Variants in HOXB8 observed in about 807,000 individuals in gnomAD.
HOXB8 encodes the protein homeobox B8, also known as homeobox protein Hox-B8.
Under a neutral mutation model 22.2 loss-of-function variants are expected in HOXB8, and 17 were observed. That is an observed-to-expected ratio of 0.77 (90% CI 0.53 to 1.15). The LOEUF (loss-of-function observed/expected upper bound fraction) is 1.15, where lower values mean the gene tolerates loss of function less well. Ranked by LOEUF, HOXB8 falls within the 50% of genes most tolerant of loss-of-function variation. The probability of loss-of-function intolerance (pLI) is 0.00; values close to 1 mark genes in which losing one functional copy is unlikely to be tolerated. For synonymous variants in HOXB8, 156 were observed against 144.6 expected, an observed-to-expected ratio of 1.08 and a Z score of -0.57; for missense variants, 287 against 323.8, an observed-to-expected ratio of 0.89 and a Z score of 0.87.
chr17:48,614,445 C>A lies in HOXB8; in HGVS notation c.260G>T (p.Gly87Val). ...GCTCTGGCGTTGCAGCGGGTCGTAG[C>A]CGTAGAAATTGCCGGGGTCCCCGTG... The part of the protein sequence containing the change: ...ACHGDPGNFY[G>V]YDPLQRQSLF... The change falls in exon 1 of 2, where the codon GGC becomes GTC. Residue 87 changes from glycine (G) to valine (V), a missense_variant. Physicochemically the swap from Gly to Val is moderately radical, Grantham distance 109 (BLOSUM62 -3). Coordinates refer to ENST00000239144, the MANE Select transcript of HOXB8 (RefSeq NM_024016.4). This position sits in a 1 kb window ranked among gnomAD's most constrained non-coding sequence, Gnocchi z 4.1. 1 of 1,613,964 alleles carries A rather than the reference C, an allele frequency of 6.2e-7. No individual in the cohort carries two copies. Among genetic ancestry groups the A allele is most frequent in the Non-Finnish European group, 8.5e-7 (1 of 1,179,920 alleles).
rs1190472825 is a variant in HOXB8 at position 48,614,764 on chromosome 17, G to A, written c.-60C>T. ...GCTATAGTTGGGGGCTGTTGGGGAG[G>A]GGGTGGGGAGGGGGAAAGGGAGGGA... On this transcript the variant is annotated 5_prime_UTR_variant, in exon 1 of 2. Transcript: ENST00000239144. The surrounding 1 kb of genome is among the most constrained non-coding windows in gnomAD (Gnocchi z 4.1). 1.8e-6 allele frequency: 2 copies of A among 1,113,268 alleles called. No homozygotes were observed. The highest frequency in any genetic ancestry group is 1.2e-6 in the Non-Finnish European group (1 of 814,502). The allele number at this position is 1,113,268 out of a possible 1,614,324, so 69.0% of individuals were successfully genotyped here.
Position 48,613,457 on chromosome 17 carries a change from C to T in HOXB8, c.477G>A (p.Leu159=), listed in dbSNP as rs1362824761. The T allele has an allele frequency of 6.4e-7, 1 of 1,558,052 alleles. No homozygotes were observed. The highest frequency in any genetic ancestry group is 1.1e-5 in the South Asian group (1 of 90,176). ...TAAATAGGAACTCCTTCTCCAGCTCCAGGGTCTGGTAGCGGCTGTAGGTCT... is the reference window on the plus strand; with the variant it reads ...TAAATAGGAACTCCTTCTCCAGCTCTAGGGTCTGGTAGCGGCTGTAGGTCT... The part of the protein sequence containing the change: ...GRQTYSRYQT[L]ELEKEFLFNP... Residue 159 remains leucine, a synonymous_variant, in exon 2 of 2, where the codon CTG becomes CTA. Transcript: ENST00000239144.
In HOXB8 at chr17:48,614,892, A is replaced by T. The variant is rs1306953216; in HGVS notation, c.-188T>A. On this transcript the variant is annotated 5_prime_UTR_variant, in exon 1 of 2. Transcript: ENST00000239144. This position sits in a 1 kb window ranked among gnomAD's most constrained non-coding sequence, Gnocchi z 4.1. ...AAAGAAAAGAAAGAAAAGGCGAAGA[A>T]GATCTCGAAGCCGACACACTTTTTG... 1 of 552,336 alleles carries T rather than the reference A, an allele frequency of 1.8e-6. No individual in the cohort carries two copies. The highest frequency in any genetic ancestry group is 3.1e-6 in the Non-Finnish European group (1 of 319,310). 34.2% of individuals were successfully genotyped at this position (552,336 alleles called of 1,614,324 possible).
chr17:48,614,003 C>G lies in HOXB8; in HGVS notation c.424+278G>C, dbSNP rs932923103. On this transcript the variant is annotated intron_variant, in intron 1 of 1. Coordinates refer to ENST00000239144, the MANE Select transcript of HOXB8 (RefSeq NM_024016.4). This position sits in a 1 kb window ranked among gnomAD's most constrained non-coding sequence, Gnocchi z 4.1. ...TCCCACCACCCTCTCTTCACTACCC[C>G]CCATAAAACAGTAAAAGGGGAAAAA... Among the ~76,000 whole-genome samples, 1 of 151,950 alleles carries G rather than the reference C, an allele frequency of 6.6e-6. No individual in the cohort carries two copies. Among genetic ancestry groups the G allele is most frequent in the South Asian group, 2.1e-4 (1 of 4,810 alleles).
rs1299254943 is a variant in HOXB8 at position 48,613,456 on chromosome 17, C to G, written c.478G>C (p.Glu160Gln). The change falls in exon 2 of 2, where the codon GAG (glutamate) becomes CAG (glutamine). Residue 160 changes from glutamate to glutamine, a missense_variant. By Grantham distance (29) the Glu-to-Gln change is conservative. Around this residue, in one of 3 missense-constraint regions of HOXB8, gnomAD observed 229 missense variants for 239.8 expected, o/e 0.95. Coordinates refer to ENST00000239144, the MANE Select transcript of HOXB8 (RefSeq NM_024016.4). Reference protein sequence around the residue: ...RQTYSRYQTLELEKEFLFNPY... With the variant: ...RQTYSRYQTLQLEKEFLFNPY... ...TTAAATAGGAACTCCTTCTCCAGCT[C>G]CAGGGTCTGGTAGCGGCTGTAGGTC... 20 of 1,594,162 alleles carry G rather than the reference C, an allele frequency of 1.3e-5. No individual in the cohort carries two copies. Among genetic ancestry groups the G allele is most frequent in the Middle Eastern group, 1.7e-4 (1 of 5,948 alleles).
At position 48,614,265 on chromosome 17, in the gene HOXB8, C is replaced by A; in HGVS notation, c.424+16G>T. On this transcript the variant is annotated intron_variant, in intron 1 of 1. Coordinates refer to ENST00000239144, the MANE Select transcript of HOXB8 (RefSeq NM_024016.4). This position sits in a 1 kb window ranked among gnomAD's most constrained non-coding sequence, Gnocchi z 4.1. ...CCGGCCCCCTCCTGCCCTTGTCGGC[C>A]CCGAGGCGAGCTCACCTTGCGGGCG... 1 of 1,481,212 alleles carries A rather than the reference C, an allele frequency of 6.8e-7. No individual in the cohort carries two copies. Among genetic ancestry groups the A allele is most frequent in the Non-Finnish European group, 8.9e-7 (1 of 1,124,306 alleles). The allele number at this position is 1,481,212 out of a possible 1,614,324, so 91.8% of individuals were successfully genotyped here. A position where few individuals can be genotyped will look rare whatever the true frequency, so the allele number is the denominator to read the frequency against.
Position 48,614,200 on chromosome 17 carries a change from T to C in HOXB8, c.424+81A>G. 1 of 844,638 alleles carries C rather than the reference T, an allele frequency of 1.2e-6. No homozygotes were observed. The allele number at this position is 844,638 out of a possible 1,614,324, so 52.3% of individuals were successfully genotyped here. A position where few individuals can be genotyped will look rare whatever the true frequency, so the allele number is the denominator to read the frequency against. ...CGGAGCCGGCAAGTCTTCCAGAAGCTGGAGGAAATGCGCCCCGGCCTGCCA... is the reference window on the plus strand; with the variant it reads ...CGGAGCCGGCAAGTCTTCCAGAAGCCGGAGGAAATGCGCCCCGGCCTGCCA... On this transcript the variant is annotated intron_variant, in intron 1 of 1. Transcript: ENST00000239144. The surrounding 1 kb of genome is among the most constrained non-coding windows in gnomAD (Gnocchi z 4.1).
In HOXB8 at chr17:48,613,411, G is replaced by C; in HGVS notation, c.523C>G (p.Arg175Gly). Residue 175 changes from arginine (R) to glycine (G), a missense_variant, in exon 2 of 2, where the codon CGG (arginine) becomes GGG (glycine). Transcript: ENST00000239144. ...FLFNPYLTRK[R>G]RIEVSHALGL... ...AGGGCGTGCGATACCTCGATTCGCC[G>C]CTTACGAGTCAGATAGGGATTAAAT... is the stretch of plus-strand genomic sequence containing the variant. The C allele has an allele frequency of 1.2e-6, 2 of 1,613,898 alleles. No individual in the cohort carries two copies. The highest frequency in any genetic ancestry group is 1.7e-6 in the Non-Finnish European group (2 of 1,179,914).
Position 48,613,111 on chromosome 17 carries a change from A to C in HOXB8, c.*91T>G, listed in dbSNP as rs2070675042. 2 of 887,050 alleles carry C rather than the reference A, an allele frequency of 2.3e-6. No individual in the cohort carries two copies. Among genetic ancestry groups the C allele is most frequent in the African/African-American group, 1.8e-5 (1 of 55,822 alleles). 54.9% of individuals were successfully genotyped at this position (887,050 alleles called of 1,614,324 possible). A position where few individuals can be genotyped will look rare whatever the true frequency, so the allele number is the denominator to read the frequency against. ...GGCTCCTGGCCCCGCTAGCGGGGCC[A>C]GAGCTCTCTCGGGCAGGGGCGCGCG... On this transcript the variant is annotated 3_prime_UTR_variant, in exon 2 of 2. Coordinates refer to ENST00000239144, the MANE Select transcript of HOXB8 (RefSeq NM_024016.4).
Position 48,615,000 on chromosome 17 carries a change from C to G in HOXB8, c.-296G>C, listed in dbSNP as rs2070708502. 1 of 243,702 alleles carries G rather than the reference C, an allele frequency of 4.1e-6. No homozygotes were observed. Among genetic ancestry groups the G allele is most frequent in the Admixed American group, 6.3e-5 (1 of 15,906 alleles). 15.1% of individuals were successfully genotyped at this position (243,702 alleles called of 1,614,324 possible). On this transcript the variant is annotated 5_prime_UTR_variant, in exon 1 of 2. Transcript: ENST00000239144. The surrounding 1 kb of genome is among the most constrained non-coding windows in gnomAD (Gnocchi z 4.1). ...AGCCGCGGCTCGCTCGCCCTCCCCC[C>G]ACCCCCCACCCCCCAAACAAAAATA...
chr17:48,613,516 A>G lies in HOXB8; in HGVS notation c.425-7T>C. 1 of 987,230 alleles carries G rather than the reference A, an allele frequency of 1.0e-6. No individual in the cohort carries two copies. The highest frequency in any genetic ancestry group is 1.3e-6 in the Non-Finnish European group (1 of 782,588). The allele number at this position is 987,230 out of a possible 1,614,324, so 61.2% of individuals were successfully genotyped here. A position where few individuals can be genotyped will look rare whatever the true frequency, so the allele number is the denominator to read the frequency against. ...CGCCTGCGTCCGGCGGCTGCTGGGA[A>G]TGGGGGAAAGGGCGAGACAGAGGGG... is the stretch of plus-strand genomic sequence containing the variant. On this transcript the variant is annotated splice_polypyrimidine_tract_variant and splice_region_variant and intron_variant, in intron 1 of 1. Transcript: ENST00000239144.
rs2070667795 is a variant in HOXB8, at chr17:48,612,758, T to C, written c.*444A>G. ...AGAGAGAGAAGGGAGACAGAAAGAA[T>C]TACGGCGTGAATAGGCAGTTTCATG... On this transcript the variant is annotated 3_prime_UTR_variant, in exon 2 of 2. Coordinates refer to ENST00000239144, the MANE Select transcript of HOXB8 (RefSeq NM_024016.4). The C allele has an allele frequency of 6.6e-6, 1 of 152,310 alleles. No individual in the cohort carries two copies. Among genetic ancestry groups the C allele is most frequent in the African/African-American group, 2.4e-5 (1 of 41,342 alleles). 9.4% of individuals were successfully genotyped at this position (152,310 alleles called of 1,614,324 possible). A position where few individuals can be genotyped will look rare whatever the true frequency, so the allele number is the denominator to read the frequency against.
Position 48,614,479 on chromosome 17 carries a change from C to G in HOXB8, c.226G>C (p.Val76Leu). The G allele has an allele frequency of 6.2e-7, 1 of 1,613,954 alleles. No individual in the cohort carries two copies. Among genetic ancestry groups the G allele is most frequent in the Non-Finnish European group, 8.5e-7 (1 of 1,179,918 alleles). Residue 76 changes from valine to leucine, a missense_variant, in exon 1 of 2, where the codon GTG becomes CTG. Coordinates refer to ENST00000239144, the MANE Select transcript of HOXB8 (RefSeq NM_024016.4). The surrounding 1 kb of genome is among the most constrained non-coding windows in gnomAD (Gnocchi z 4.1). Reference sequence around the variant, plus strand: ...TTGCCGGGGTCCCCGTGGCACGCCACGGCGCACGGGTTCTGCTGGTAGGGA... The same window carrying G: ...TTGCCGGGGTCCCCGTGGCACGCCAGGGCGCACGGGTTCTGCTGGTAGGGA... ...TAPYQQNPCA[V>L]ACHGDPGNFY... is the part of the protein sequence containing the mutation.
intron 1 of HOXB8, 31 bp from the exon 2 acceptor site, chr17:48,613,540 G>A (rs2070684483): frequency 2.5e-6 from 3 of 1,202,776 alleles, no homozygotes; most frequent in Non-Finnish European, 3.6e-6. Flanking sequence ...GAGACAGAGG[G>A]GAGGGGAGGG....
chr17:48,613,542 AGGGGAGGGTGGGGGAGG>A, intron 1 of HOXB8, 33 bp from the exon 2 acceptor site: 3 of 90,192 alleles, frequency 3.3e-5, no homozygotes, highest in Non-Finnish European at 6.9e-5. Context: ...GACAGAGGGG[AGGGGAGGGTGGGGGAGG>A]GGGCAGGGAC....
Position 48,614,819 on chromosome 17 carries a change from T to A in HOXB8, c.-115A>T. The A allele has an allele frequency of 1.2e-6, 1 of 814,816 alleles. No individual in the cohort carries two copies. Among genetic ancestry groups the A allele is most frequent in the Non-Finnish European group, 1.8e-6 (1 of 547,616 alleles). The allele number at this position is 814,816 out of a possible 1,614,324, so 50.5% of individuals were successfully genotyped here. A position where few individuals can be genotyped will look rare whatever the true frequency, so the allele number is the denominator to read the frequency against. ...GAGAAAAAAACGCGGATTCGCCGGC[T>A]CCTAGTCACCCTCGCCAGGAAAGGA... On this transcript the variant is annotated 5_prime_UTR_variant, in exon 1 of 2. Transcript: ENST00000239144. This position sits in a 1 kb window ranked among gnomAD's most constrained non-coding sequence, Gnocchi z 4.1.
In HOXB8 at chr17:48,612,960, C is replaced by A. The variant is rs45572038; in HGVS notation, c.*242G>T. 1 of 190,580 alleles carries A rather than the reference C, an allele frequency of 5.2e-6. No homozygotes were observed. Among genetic ancestry groups the A allele is most frequent in the East Asian group, 1.4e-4 (1 of 6,932 alleles). 11.8% of individuals were successfully genotyped at this position (190,580 alleles called of 1,614,324 possible). A position where few individuals can be genotyped will look rare whatever the true frequency, so the allele number is the denominator to read the frequency against. ...GGGCGAGGGAGCCTTTGCTTAAATC[C>A]TTTTCTTTCCCCCCGGCCCCCAAGA... On this transcript the variant is annotated 3_prime_UTR_variant, in exon 2 of 2. Coordinates refer to ENST00000239144, the MANE Select transcript of HOXB8 (RefSeq NM_024016.4).
chr17:48,614,722 C>A lies in HOXB8; in HGVS notation c.-18G>T. 2 of 889,492 alleles carry A rather than the reference C, an allele frequency of 2.2e-6. No individual in the cohort carries two copies. Among genetic ancestry groups the A allele is most frequent in the Admixed American group, 8.6e-5 (1 of 11,692 alleles). The allele number at this position is 889,492 out of a possible 1,614,324, so 55.1% of individuals were successfully genotyped here. A position where few individuals can be genotyped will look rare whatever the true frequency, so the allele number is the denominator to read the frequency against. ...GAGCTCATTTTATTGAATTTTGAGG[C>A]GGCGGCGGCGGCGGAGGCTATAGTT... On this transcript the variant is annotated 5_prime_UTR_variant, in exon 1 of 2. Transcript: ENST00000239144. The surrounding 1 kb of genome is among the most constrained non-coding windows in gnomAD (Gnocchi z 4.1).
In HOXB8 at chr17:48,613,458, A is replaced by G; in HGVS notation, c.476T>C (p.Leu159Pro). The G allele has an allele frequency of 3.3e-6, 5 of 1,507,158 alleles. No individual in the cohort carries two copies. The highest frequency in any genetic ancestry group is 4.5e-6 in the Non-Finnish European group (5 of 1,114,612). The allele number at this position is 1,507,158 out of a possible 1,614,324, so 93.4% of individuals were successfully genotyped here. ...GRQTYSRYQT[L>P]ELEKEFLFNP... ...AAATAGGAACTCCTTCTCCAGCTCC[A>G]GGGTCTGGTAGCGGCTGTAGGTCTG... The change falls in exon 2 of 2, where the codon CTG becomes CCG. Residue 159 changes from leucine to proline, a missense_variant. By Grantham distance (98) the Leu-to-Pro change is moderately conservative. Around this residue, in one of 3 missense-constraint regions of HOXB8, gnomAD observed 229 missense variants for 239.8 expected, o/e 0.95. Transcript: ENST00000239144.
Sources: allele counts gnomAD v4.1 joint callset (sites outside exome capture counted in the v4.1 genomes callset), GRCh38; gene constraint gnomAD v4.1.1; regional missense constraint gnomAD v4.1.1; non-coding constraint Gnocchi (gnomAD v3.1); transcripts MANE v1.5; gene names NCBI Gene and HGNC (gene_info 2026-07-23, HGNC 2026-07-21).